EYA1: variants seen among roughly 807,000 people sequenced by gnomAD.
EYA1 encodes the protein protein phosphatase EYA1.
In EYA1, 16 loss-of-function variants were observed where a neutral mutation model predicts 82.0. The ratio of observed to expected loss-of-function variants is 0.20; its 90% CI spans 0.13 to 0.30. The LOEUF is 0.30. EYA1 is among the 10% of genes least tolerant of loss of function. EYA1 has a pLI of 1.00. For missense variants in EYA1, 633 were observed against 730.7 expected, an observed-to-expected ratio of 0.87 and a Z score of 1.54; for synonymous variants, 261 against 264.4, an observed-to-expected ratio of 0.99 and a Z score of 0.12.
intron 2 of EYA1, among the ~76,000 whole-genome samples, chr8:71,526,040 A>C (rs1813792418): frequency 6.6e-6 from 1 of 152,196 alleles, no homozygotes; most frequent in South Asian, 2.1e-4. Context: ...GAACAATATA[A>C]GCTAGAATAA....
At chr8:71,423,901 G>T (rs920529110) in intron 2 of EYA1, among the ~76,000 whole-genome samples, 4 of 152,158 alleles carry the variant, frequency 2.6e-5, no homozygotes, top group Non-Finnish European at 5.9e-5. Context: ...TTGGATAGAT[G>T]GTTAGGATCA....
chr8:71,380,626 CAA>C (rs1194833833), intron 2 of EYA1, among the ~76,000 whole-genome samples: 1 of 152,214 alleles, frequency 6.6e-6, no homozygotes, highest in East Asian at 1.9e-4. Flanking sequence ...TACTGTCTTT[CAA>C]AGTTTAACTT....
chr8:71,327,712 C>T (rs1434131568), intron 4 of EYA1, among the ~76,000 whole-genome samples: 1 of 152,126 alleles, frequency 6.6e-6, no homozygotes, highest in Non-Finnish European at 1.5e-5. Context: ...ACTATGTCCT[C>T]AAGGCTTGCA....
rs527587966 is a variant in EYA1 at position 71,233,069 on chromosome 8, T to C, written c.1140+11534A>G. Among the ~76,000 whole-genome samples, 3 of 152,300 alleles carry C rather than the reference T, an allele frequency of 2.0e-5. No homozygotes were observed. In the East Asian group the frequency reaches 5.8e-4, roughly 29 times the overall value. ...GTTCCACCTCTGGTGTCTCTAGAAC[T>C]GCAAGCTAACAAACCACATAAACAA... On this transcript the variant is annotated intron_variant, in intron 12 of 17. Coordinates refer to ENST00000340726, the MANE Select transcript of EYA1 (RefSeq NM_000503.6).
Position 71,257,618 on chromosome 8 carries a change from A to G in EYA1, c.1050+12122T>C, listed in dbSNP as rs191879492. Among the ~76,000 whole-genome samples, 20 of 152,352 alleles carry G rather than the reference A, an allele frequency of 1.3e-4. 1 individual carries two copies. Among genetic ancestry groups the G allele is most frequent in the South Asian group, 2.1e-4 (1 of 4,826 alleles). On this transcript the variant is annotated intron_variant, in intron 11 of 17. Coordinates refer to ENST00000340726, the MANE Select transcript of EYA1 (RefSeq NM_000503.6). ...CCAGATATAAGTGAGGATTTGGAATATACACAAGAATGTATGTCAGACGAT... is the reference window on the plus strand; with the variant it reads ...CCAGATATAAGTGAGGATTTGGAATGTACACAAGAATGTATGTCAGACGAT...
intron 2 of EYA1, among the ~76,000 whole-genome samples, chr8:71,505,477 G>A (rs1265557701): frequency 1.3e-5 from 2 of 152,116 alleles, no homozygotes; most frequent in East Asian, 1.9e-4. Context: ...ATTCCTTTGC[G>A]ACTTGTGGCA....
At chr8:71,494,299 A>G (rs1287100756) in intron 2 of EYA1, among the ~76,000 whole-genome samples, 2 of 152,168 alleles carry the variant, frequency 1.3e-5, no homozygotes, top group Non-Finnish European at 2.9e-5. Context: ...GCACATAAAC[A>G]TGCTTTACAC....
At chr8:71,542,943 CT>C (rs1219439634) in intron 1 of EYA1, among the ~76,000 whole-genome samples, 21 of 152,036 alleles carry the variant, frequency 1.4e-4, no homozygotes, top group African/African-American at 4.8e-4. Flanking sequence ...CTTATAGATG[CT>C]GGATATTAGA....
At position 71,535,726 on chromosome 8, in the gene EYA1, G is replaced by T. The variant is rs1000375210; in HGVS notation, c.33+18C>A. On this transcript the variant is annotated intron_variant, in intron 2 of 18. Coordinates refer to the EYA1 transcript ENST00000643681. ...AAGTAATAATTCTTTCCTTAGGACT[G>T]ACATTCTGTTTACTTACAGACTGTC... 14 of 1,508,736 alleles carry T rather than the reference G, an allele frequency of 9.3e-6. No homozygotes were observed. In the Admixed American group the frequency reaches 2.2e-4, roughly 24 times the overall value. The allele number at this position is 1,508,736 out of a possible 1,614,324, so 93.5% of individuals were successfully genotyped here.
At chr8:71,322,013 G>A in intron 5 of EYA1, 134 bp from the exon 6 acceptor site, 1 of 1,265,950 alleles carries the variant, frequency 7.9e-7, no homozygotes. Context: ...AATTGACAAA[G>A]CACTGAAATA....
At chr8:71,417,860 A>G (rs1031308349) in intron 2 of EYA1, among the ~76,000 whole-genome samples, 4 of 152,206 alleles carry the variant, frequency 2.6e-5, no homozygotes, top group Non-Finnish European at 5.9e-5. Context: ...TCTTCCTTAA[A>G]TCACCATCAT....
chr8:71,362,155 C>CTTTTTTTTTTTTT (rs35320129), upstream of EYA1: 87 of 824,464 alleles, frequency 1.1e-4, no homozygotes, highest in African/African-American at 2.5e-4. Context: ...TCGGGGCTTT[C>CTTTTTTTTTTTTT]TTTTTTTTTT....
At chr8:71,428,505 C>T (rs1196967859) in intron 2 of EYA1, among the ~76,000 whole-genome samples, 1 of 152,112 alleles carries the variant, frequency 6.6e-6, no homozygotes, top group Non-Finnish European at 1.5e-5. Flanking sequence ...CAAATGCCTC[C>T]CTTTTAACAA....
At chr8:71,257,894 A>AT (rs916076837) in intron 11 of EYA1, among the ~76,000 whole-genome samples, 128 of 147,720 alleles carry the variant, frequency 8.7e-4, no homozygotes, top group African/African-American at 1.3e-3. Flanking sequence ...GTGGATCCTG[A>AT]TTTTTTTTTT....
chr8:71,236,482 TTA>T, intron 12 of EYA1, among the ~76,000 whole-genome samples: 1 of 152,324 alleles, frequency 6.6e-6, no homozygotes, highest in East Asian at 1.9e-4. Flanking sequence ...AAAACAAGTT[TTA>T]TGAGGATGTA....
intron 2 of EYA1, among the ~76,000 whole-genome samples, chr8:71,494,949 T>C (rs1178205011): frequency 6.6e-6 from 1 of 152,100 alleles, no homozygotes; most frequent in Non-Finnish European, 1.5e-5. Context: ...AGCAATATAG[T>C]ATTTACAAAC....
chr8:71,328,201 G>T (rs561312133), intron 4 of EYA1, among the ~76,000 whole-genome samples: 1 of 152,188 alleles, frequency 6.6e-6, no homozygotes, highest in Non-Finnish European at 1.5e-5. Context: ...AAGTAGGAGT[G>T]GTGGCCACAG....
chr8:71,340,187 T>C (rs2129052634), intron 3 of EYA1, among the ~76,000 whole-genome samples: 1 of 152,352 alleles, frequency 6.6e-6, no homozygotes, highest in Middle Eastern at 3.4e-3. Context: ...GTCTTCTGAA[T>C]TAAGTTCCCA....
chr8:71,222,758 G>C (rs964723619), intron 12 of EYA1, among the ~76,000 whole-genome samples: 1 of 152,358 alleles, frequency 6.6e-6, no homozygotes, highest in Middle Eastern at 3.4e-3. Flanking sequence ...TGAGATAAAT[G>C]CTGCGATGCT....
Sources: allele counts gnomAD v4.1 joint callset (sites outside exome capture counted in the v4.1 genomes callset), GRCh38; gene constraint gnomAD v4.1.1; transcripts MANE v1.5; gene names NCBI Gene and HGNC (gene_info 2026-07-23, HGNC 2026-07-21).